Variants in GABRR2 observed in about 807,000 individuals in gnomAD.
GABRR2 encodes gamma-aminobutyric acid receptor subunit rho-2.
Under a neutral mutation model 47.0 loss-of-function variants are expected in GABRR2, and 36 were observed. That is an observed-to-expected ratio of 0.77 (90% CI 0.59 to 1.01). GABRR2 has a LOEUF of 1.01. Among genes scored for constraint, GABRR2 ranks in the 50% least tolerant of loss-of-function variants. The probability of loss-of-function intolerance (pLI) is 0.00; values close to 1 mark genes in which losing one functional copy is unlikely to be tolerated. For missense variants in GABRR2, 587 were observed against 594.6 expected (o/e 0.99, Z 0.13); for synonymous variants, 204 against 227.5 (o/e 0.90, Z 0.93).
rs780755133 is a variant in GABRR2, at chr6:89,264,403, C to A, written c.1086+9G>T. ...TGGACTTAGACAAGGGCCGAAGAAG[C>A]CCTCTCACCTTCTCCCGCAGCTTCC... On this transcript the variant is annotated intron_variant, in intron 8 of 8. Coordinates refer to ENST00000402938, the MANE Select transcript of GABRR2 (RefSeq NM_002043.5). 10 of 1,610,880 alleles carry A rather than the reference C, an allele frequency of 6.2e-6. No homozygotes were observed. The South Asian group carries it at 8.8e-5, about 14-fold the overall frequency.
intron 1 of GABRR2, among the ~76,000 whole-genome samples, chr6:89,308,804 T>G (rs975087749): frequency 6.6e-6 from 1 of 152,216 alleles, no homozygotes; most frequent in Non-Finnish European, 1.5e-5. Context: ...AGACTCAAAT[T>G]GATTTGTGCA....
intron 1 of GABRR2, among the ~76,000 whole-genome samples, chr6:89,309,466 C>CT (rs953041824): frequency 6.6e-6 from 1 of 152,034 alleles, no homozygotes; most frequent in Non-Finnish European, 1.5e-5. Flanking sequence ...AAGCAGAAAA[C>CT]CCATCTAAAC....
chr6:89,272,624 A>AG (rs1220594087), intron 2 of GABRR2, among the ~76,000 whole-genome samples: 1 of 152,208 alleles, frequency 6.6e-6, no homozygotes. Context: ...AGTCAGGTGC[A>AG]GCTGGGCTGG....
chr6:89,302,583 T>C (rs1278082882), intron 1 of GABRR2: 4 of 1,066,344 alleles, frequency 3.8e-6, no homozygotes, highest in Non-Finnish European at 4.1e-6. Flanking sequence ...ATGCCAGGCA[T>C]GAAGCCCGGG....
intron 8 of GABRR2, among the ~76,000 whole-genome samples, chr6:89,259,317 G>T (rs1371095689): frequency 6.6e-6 from 1 of 152,126 alleles, no homozygotes; most frequent in Non-Finnish European, 1.5e-5. Flanking sequence ...ACTCTCAGAT[G>T]AATATCATAA....
At chr6:89,292,763 G>GTATCTCTGAAAGAT (rs1774479251) in intron 2 of GABRR2, among the ~76,000 whole-genome samples, 1 of 37,298 alleles carries the variant, frequency 2.7e-5, no homozygotes. Flanking sequence ...TCGTATATAC[G>GTATCTCTGAAAGAT]ATATATCGTA....
At chr6:89,265,019 G>C (rs1256907087) in intron 7 of GABRR2, among the ~76,000 whole-genome samples, 2 of 152,120 alleles carry the variant, frequency 1.3e-5, no homozygotes, top group African/African-American at 4.8e-5. Flanking sequence ...GTGGAAGACT[G>C]TGGAAATTCC....
chr6:89,301,774 A>G, intron 1 of GABRR2: 2 of 749,826 alleles, frequency 2.7e-6, no homozygotes, highest in Non-Finnish European at 2.4e-6. Context: ...CCTGCCAGAC[A>G]CGCCCAGTAT....
In GABRR2 at chr6:89,269,376, G is replaced by T. The variant is rs576706118; in HGVS notation, c.289-142C>A. The T allele has an allele frequency of 3.1e-5, 21 of 676,372 alleles. No individual in the cohort carries two copies. The African/African-American group carries it at 3.4e-4, about 11-fold the overall frequency. 41.9% of individuals were successfully genotyped at this position (676,372 alleles called of 1,614,324 possible). A position where few individuals can be genotyped will look rare whatever the true frequency, so the allele number is the denominator to read the frequency against. ...TAACAGTTCTGCAGCCCTGTGGCAGGATGGCACTGTGCAGTTGGAAAGAGA... is the reference window on the plus strand; with the variant it reads ...TAACAGTTCTGCAGCCCTGTGGCAGTATGGCACTGTGCAGTTGGAAAGAGA... On this transcript the variant is annotated intron_variant, in intron 3 of 8. Transcript: ENST00000402938.
chr6:89,302,557 C>T, intron 1 of GABRR2: 1 of 959,440 alleles, frequency 1.0e-6, no homozygotes, highest in Non-Finnish European at 1.6e-6. Flanking sequence ...TGCCCTTCCC[C>T]TGCCTGCACT....
intron 1 of GABRR2, among the ~76,000 whole-genome samples, chr6:89,304,335 G>T (rs1366519774): frequency 1.3e-5 from 2 of 152,130 alleles, no homozygotes; most frequent in Non-Finnish European, 2.9e-5. Context: ...AGAGGCTGAG[G>T]CAGGAGGATC....
At chr6:89,268,216 T>C in intron 4 of GABRR2, 120 bp from the exon 5 acceptor site, 2 of 740,890 alleles carry the variant, frequency 2.7e-6, no homozygotes, top group South Asian at 3.0e-5. Flanking sequence ...GCTGCAGAAG[T>C]TTGGAAACAG....
chr6:89,290,310 C>T (rs184259567), intron 2 of GABRR2, among the ~76,000 whole-genome samples: 13 of 152,344 alleles, frequency 8.5e-5, no homozygotes, highest in African/African-American at 3.1e-4. Flanking sequence ...CAGCAGGTCC[C>T]TGCACAGGGA....
At position 89,257,534 on chromosome 6, in the gene GABRR2, G is replaced by A; in HGVS notation, c.*136C>T. The A allele has an allele frequency of 1.4e-6, 1 of 713,178 alleles. No individual in the cohort carries two copies. Among genetic ancestry groups the A allele is most frequent in the South Asian group, 1.9e-5 (1 of 52,092 alleles). The allele number at this position is 713,178 out of a possible 1,614,324, so 44.2% of individuals were successfully genotyped here. A position where few individuals can be genotyped will look rare whatever the true frequency, so the allele number is the denominator to read the frequency against. ...GGAAGGCTCCTGGGCTTCTCTGAGA[G>A]ATGAGTGCTGCTCAGGGTGGTCCAG... On this transcript the variant is annotated 3_prime_UTR_variant, in exon 9 of 9. Coordinates refer to ENST00000402938, the MANE Select transcript of GABRR2 (RefSeq NM_002043.5).
At chr6:89,279,150 C>G (rs1653285125) in intron 2 of GABRR2, among the ~76,000 whole-genome samples, 1 of 152,228 alleles carries the variant, frequency 6.6e-6, no homozygotes, top group South Asian at 2.1e-4. Flanking sequence ...CTCTGTCCCT[C>G]AGATCCCCGG....
chr6:89,298,343 CAG>C (rs1412502546), intron 2 of GABRR2, among the ~76,000 whole-genome samples: 1 of 152,184 alleles, frequency 6.6e-6, no homozygotes, highest in Non-Finnish European at 1.5e-5. Flanking sequence ...CTGGGTTTTT[CAG>C]AGGGGACAGG....
intron 2 of GABRR2, among the ~76,000 whole-genome samples, chr6:89,287,184 C>T (rs946644755): frequency 6.6e-6 from 1 of 152,180 alleles, no homozygotes; most frequent in African/African-American, 2.4e-5. Flanking sequence ...GGTCAAACCT[C>T]CTCTAGGGAA....
At chr6:89,275,874 C>A (rs1412917286) in intron 2 of GABRR2, among the ~76,000 whole-genome samples, 2 of 152,048 alleles carry the variant, frequency 1.3e-5, no homozygotes, top group African/African-American at 2.4e-5. Context: ...GTAGGGTTCG[C>A]AGCTTAAATT....
At position 89,255,124 on chromosome 6, in the gene GABRR2, C is replaced by A. The variant is rs1229596756; in HGVS notation, c.*2546G>T. ...ATCATTCTTCGAGCAGCACTGTGGC[C>A]TGGGAGAGTCTCTATAGATAAAAGG... On this transcript the variant is annotated 3_prime_UTR_variant, in exon 9 of 9. Coordinates refer to ENST00000402938, the MANE Select transcript of GABRR2 (RefSeq NM_002043.5). Among the ~76,000 whole-genome samples the A allele has an allele frequency of 1.3e-5, 2 of 152,086 alleles. No individual in the cohort carries two copies. Among genetic ancestry groups the A allele is most frequent in the Non-Finnish European group, 2.9e-5 (2 of 68,018 alleles).
Sources: gnomAD v4.1 joint callset for allele counts (sites outside exome capture counted in the v4.1 genomes callset) on GRCh38, gnomAD v4.1.1 for gene constraint, MANE v1.5 for transcripts, NCBI Gene and HGNC (gene_info 2026-07-23, HGNC 2026-07-21) for gene names.